Variants in KIF26B observed in about 807,000 individuals in gnomAD.
KIF26B encodes kinesin family member 26B, also known as kinesin-like protein KIF26B.
KIF26B carries 63 observed loss-of-function variants against 151.2 expected under a neutral mutation model. The observed-to-expected ratio is 0.42, with a 90% CI of 0.34 to 0.51. KIF26B has a LOEUF of 0.51. KIF26B is among the 20% of genes least tolerant of loss of function. The probability of loss-of-function intolerance (pLI) is 0.07; values close to 1 mark genes in which losing one functional copy is unlikely to be tolerated. For synonymous variants in KIF26B, 1,357 were observed against 1,262.1 expected, an observed-to-expected ratio of 1.08 and a Z score of -1.59; for missense variants, 2,813 against 2,913.6, an observed-to-expected ratio of 0.97 and a Z score of 0.79.
Position 245,685,604 on chromosome 1 carries a change from C to T in KIF26B, c.2621C>T (p.Ala874Val), listed in dbSNP as rs769603671. The change falls in exon 12 of 15, where the codon GCC (alanine) becomes GTC (valine). Residue 874 changes from alanine (A) to valine (V), a missense_variant. Coordinates refer to ENST00000407071, the MANE Select transcript of KIF26B (RefSeq NM_018012.4). ...TVIYIGPNGT[A>V]LSDKELTDNE... Reference sequence around the variant, plus strand: ...ATCTACATCGGGCCCAACGGCACGGCCCTCTCTGACAAGGAGCTCACCGAC... The same window carrying T: ...ATCTACATCGGGCCCAACGGCACGGTCCTCTCTGACAAGGAGCTCACCGAC... 2 of 1,613,792 alleles carry T rather than the reference C, an allele frequency of 1.2e-6. No individual in the cohort carries two copies. Among genetic ancestry groups the T allele is most frequent in the Admixed American group, 3.3e-5 (2 of 60,030 alleles).
intron 4 of KIF26B, among the ~76,000 whole-genome samples, chr1:245,447,692 C>T (rs565847837): frequency 5.9e-5 from 9 of 152,222 alleles, no homozygotes; most frequent in Non-Finnish European, 1.2e-4. Context: ...GTGCCATGTC[C>T]GTTTACTATT....
chr1:245,600,105 C>G (rs917723633), intron 5 of KIF26B, among the ~76,000 whole-genome samples: 2 of 146,508 alleles, frequency 1.4e-5, no homozygotes, highest in East Asian at 2.0e-4. Flanking sequence ...ATGGCGTGAT[C>G]TTGGCTCACC....
rs1371160418 is a variant in KIF26B at position 245,222,537 on chromosome 1, G to A, written c.465+65854G>A. On this transcript the variant is annotated intron_variant, in intron 2 of 14. Transcript: ENST00000407071. ...CTGAAAGAACTAGAAGAAAATATAG[G>A]TGAATTTTTATCTAATCTCAAAATA... Among the ~76,000 whole-genome samples, 2 of 152,084 alleles carry A rather than the reference G, an allele frequency of 1.3e-5. 1 individual carries two copies. The highest frequency in any genetic ancestry group is 3.8e-4 in the East Asian group (2 of 5,198).
chr1:245,370,740 C>T, intron 3 of KIF26B: 1 of 419,100 alleles, frequency 2.4e-6, no homozygotes, highest in Non-Finnish European at 4.9e-6. Flanking sequence ...GAAGATGCTG[C>T]TTAAACGGCC....
chr1:245,427,183 G>A (rs1427882531), intron 4 of KIF26B, among the ~76,000 whole-genome samples: 1 of 152,190 alleles, frequency 6.6e-6, no homozygotes, highest in Non-Finnish European at 1.5e-5. Flanking sequence ...AAATTGAGCT[G>A]GGTGTCTGAG....
rs1558373091 is a variant in KIF26B at position 245,280,529 on chromosome 1, T to TTAAAAAAAA, written c.466-86305_466-86304insTAAAAAAAA. ...CTGGGCAACAGAGCGAGACTCTGTC[T>TTAAAAAAAA]CAAAAAAAAAAAGAAAAGAAATTAT... is the stretch of plus-strand genomic sequence containing the variant. On this transcript the variant is annotated intron_variant, in intron 2 of 14. Coordinates refer to ENST00000407071, the MANE Select transcript of KIF26B (RefSeq NM_018012.4). Among the ~76,000 whole-genome samples the TTAAAAAAAA allele has an allele frequency of 6.7e-4, 15 of 22,302 alleles. No individual in the cohort carries two copies. The African/African-American group carries it at 7.7e-3, about 11-fold the overall frequency. 14.6% of individuals were successfully genotyped at this position (22,302 alleles called of 152,430 possible). A position where few individuals can be genotyped will look rare whatever the true frequency, so the allele number is the denominator to read the frequency against.
chr1:245,314,082 T>C (rs1287576499), intron 2 of KIF26B, among the ~76,000 whole-genome samples: 1 of 152,226 alleles, frequency 6.6e-6, no homozygotes, highest in Non-Finnish European at 1.5e-5. Context: ...TGCTCTTGTA[T>C]GTGAGTCCCT....
At chr1:245,361,148 A>G (rs1046409515) in intron 2 of KIF26B, among the ~76,000 whole-genome samples, 1 of 152,180 alleles carries the variant, frequency 6.6e-6, no homozygotes, top group Admixed American at 6.6e-5. Flanking sequence ...ACCTTCTGCA[A>G]TACCTTTTTC....
intron 4 of KIF26B, among the ~76,000 whole-genome samples, chr1:245,535,519 T>C (rs955577076): frequency 1.3e-5 from 2 of 152,204 alleles, no homozygotes; most frequent in Non-Finnish European, 2.9e-5. Flanking sequence ...GAAATCATTC[T>C]GGTTCCCCAC....
intron 3 of KIF26B, among the ~76,000 whole-genome samples, chr1:245,372,304 A>G (rs967982946): frequency 2.6e-5 from 4 of 152,294 alleles, no homozygotes; most frequent in Admixed American, 6.5e-5. Context: ...TTTGTCTGCC[A>G]TGAAGCTGGT....
chr1:245,367,397 AG>A lies in KIF26B; in HGVS notation c.999+33del. 1 of 1,548,478 alleles carries A rather than the reference AG, an allele frequency of 6.5e-7. No individual in the cohort carries two copies. The highest frequency in any genetic ancestry group is 1.9e-5 in the Admixed American group (1 of 51,856). On this transcript the variant is annotated intron_variant, in intron 3 of 14. Coordinates refer to ENST00000407071, the MANE Select transcript of KIF26B (RefSeq NM_018012.4). The surrounding 1 kb of genome is among the most constrained non-coding windows in gnomAD (Gnocchi z 4.2). ...GTAGCCTGTGTGAGCCAGGAAGAGC[AG>A]GGCTGGCTGGAGTCAAAGCGGAGAA...
rs1024368774 is a variant in KIF26B, at chr1:245,299,324, T to G, written c.466-67510T>G. Among the ~76,000 whole-genome samples, 504 of 145,534 alleles carry G rather than the reference T, an allele frequency of 3.5e-3. 3 individuals are homozygous for G. Among genetic ancestry groups the G allele is most frequent in the African/African-American group, 0.012 (461 of 37,632 alleles). On this transcript the variant is annotated intron_variant, in intron 2 of 14. Coordinates refer to ENST00000407071, the MANE Select transcript of KIF26B (RefSeq NM_018012.4). ...TGCATTTACATCCAATTCTGGGTTTTTTTTTTTTTTTTTTTTTTTGAGTTT... is the reference window on the plus strand; with the variant it reads ...TGCATTTACATCCAATTCTGGGTTTGTTTTTTTTTTTTTTTTTTTGAGTTT...
Position 245,687,562 on chromosome 1 carries a change from C to T in KIF26B, c.4579C>T (p.His1527Tyr). ...LPGLATQSPV[H>Y]PNKSVKSSSL... ...CGGTTTGGCCACCCAGAGCCCCGTG[C>T]ATCCCAACAAAAGCGTCAAGTCCAG... The change falls in exon 12 of 15, where the codon CAT (histidine) becomes TAT (tyrosine). Residue 1527 changes from histidine to tyrosine, a missense_variant. His to Tyr is a moderately conservative substitution (Grantham distance 83). Transcript: ENST00000407071. The surrounding 1 kb of genome is among the most constrained non-coding windows in gnomAD (Gnocchi z 4.9). 6.4e-7 allele frequency: 1 copy of T among 1,565,870 alleles called. No homozygotes were observed. Among genetic ancestry groups the T allele is most frequent in the Non-Finnish European group, 8.7e-7 (1 of 1,155,764 alleles).
At chr1:245,369,195 G>GAGAC (rs1553268129) in intron 3 of KIF26B, among the ~76,000 whole-genome samples, 114 of 129,608 alleles carry the variant, frequency 8.8e-4, no homozygotes, top group African/African-American at 2.1e-3. Context: ...GAGAGAGAGA[G>GAGAC]AGACAGACAG....
At position 245,166,313 on chromosome 1, in the gene KIF26B, C is replaced by G. The variant is rs926093642; in HGVS notation, c.465+9630C>G. Among the ~76,000 whole-genome samples, 1 of 152,124 alleles carries G rather than the reference C, an allele frequency of 6.6e-6. No individual in the cohort carries two copies. The highest frequency in any genetic ancestry group is 6.5e-5 in the Admixed American group (1 of 15,276). On this transcript the variant is annotated intron_variant, in intron 2 of 14. Coordinates refer to ENST00000407071, the MANE Select transcript of KIF26B (RefSeq NM_018012.4). This position sits in a 1 kb window ranked among gnomAD's most constrained non-coding sequence, Gnocchi z 4.5. ...TTTCCTTCCTTCCTTCCATCTGACA[C>G]GAAAATGGAGAAACAGCAGTCAGAG...
chr1:245,428,456 G>A (rs1658698700), intron 4 of KIF26B, among the ~76,000 whole-genome samples: 1 of 152,154 alleles, frequency 6.6e-6, no homozygotes, highest in Non-Finnish European at 1.5e-5. Flanking sequence ...AAGCACAGAA[G>A]GAAAAGTGGT....
At chr1:245,580,408 C>G (rs1204408947) in intron 5 of KIF26B, among the ~76,000 whole-genome samples, 2 of 152,138 alleles carry the variant, frequency 1.3e-5, no homozygotes, top group Admixed American at 6.5e-5. Flanking sequence ...ACACTTAGAT[C>G]GGGACTATTT....
chr1:245,537,646 GGATT>G (rs1237487231), intron 4 of KIF26B, among the ~76,000 whole-genome samples: 1 of 152,120 alleles, frequency 6.6e-6, no homozygotes, highest in African/African-American at 2.4e-5. Flanking sequence ...ACTTCCTGAT[GGATT>G]ATGTGTGAGA....
rs2044854641 is a variant in KIF26B, at chr1:245,707,294, C to A, written c.*4688C>A. The A allele has an allele frequency of 6.6e-6, 1 of 152,176 alleles. No individual in the cohort carries two copies. The highest frequency in any genetic ancestry group is 6.5e-5 in the Admixed American group (1 of 15,282). 9.4% of individuals were successfully genotyped at this position (152,176 alleles called of 1,614,324 possible). A position where few individuals can be genotyped will look rare whatever the true frequency, so the allele number is the denominator to read the frequency against. ...ACCTTAATCTCTAAGCATAGTTGTT[C>A]CCAAGGTCCACACGTGTGGAGGCGA... On this transcript the variant is annotated 3_prime_UTR_variant, in exon 15 of 15. Transcript: ENST00000407071.
Sources: allele counts gnomAD v4.1 joint callset (sites outside exome capture counted in the v4.1 genomes callset), GRCh38; gene constraint gnomAD v4.1.1; non-coding constraint Gnocchi (gnomAD v3.1); transcripts MANE v1.5; gene names NCBI Gene and HGNC (gene_info 2026-07-23, HGNC 2026-07-21).